The following FGFR1OP2 variants were observed in gnomAD, a reference collection of about 807,000 sequenced individuals.
FGFR1OP2 encodes FGFR1 oncogene partner 2.
In FGFR1OP2, 17 loss-of-function variants were observed where a neutral mutation model predicts 35.2. The ratio of observed to expected loss-of-function variants is 0.48; its 90% CI spans 0.33 to 0.73. FGFR1OP2 has a LOEUF of 0.73. Among genes scored for constraint, FGFR1OP2 ranks in the 30% least tolerant of loss-of-function variants. FGFR1OP2 has a pLI of 0.02. For missense variants in FGFR1OP2, 251 were observed against 307.3 expected (o/e 0.82, Z 1.37); for synonymous variants, 105 against 104.6 (o/e 1.00, Z -0.03).
chr12:26,943,277 A>C (rs1938765732), intron 1 of FGFR1OP2, among the ~76,000 whole-genome samples: 1 of 152,042 alleles, frequency 6.6e-6, no homozygotes, highest in African/African-American at 2.4e-5. Context: ...CCTGTCTCTA[A>C]ACCTTTTCTG....
chr12:26,964,537 G>T, intron 6 of FGFR1OP2, 59 bp from the exon 7 acceptor site: 1 of 1,565,820 alleles, frequency 6.4e-7, no homozygotes, highest in South Asian at 1.1e-5. Context: ...ACATATGTTT[G>T]TGATGTTGTA....
intron 3 of FGFR1OP2, among the ~76,000 whole-genome samples, chr12:26,957,279 A>T (rs1358414885): frequency 6.6e-6 from 1 of 152,154 alleles, no homozygotes. Flanking sequence ...TATTTGACTT[A>T]ACACTCCACT....
rs141890461 is a variant in FGFR1OP2, at chr12:26,945,994, G to A, written c.-15+7284G>A. The stretch of plus-strand genomic sequence containing the variant: ...ACTTAAAAAGAATGTGTACTCTGCT[G>A]TTGTTGGTTGTAGCATTTCATAAAT... On this transcript the variant is annotated intron_variant, in intron 1 of 6. Coordinates refer to ENST00000229395, the MANE Select transcript of FGFR1OP2 (RefSeq NM_015633.3). 6.7e-3 allele frequency among the ~76,000 whole-genome samples: 1,014 copies of A among 151,724 alleles called. 10 individuals are homozygous for A. Among genetic ancestry groups the A allele is most frequent in the African/African-American group, 0.024 (977 of 41,042 alleles).
Position 26,964,729 on chromosome 12 carries a change from G to A in FGFR1OP2, c.758G>A (p.Ser253Asn), listed in dbSNP as rs118150543. The change falls in exon 7 of 7, where the codon AGC becomes AAC. Residue 253 changes from serine to asparagine, a missense_variant. Ser to Asn is a conservative substitution (Grantham distance 46). Coordinates refer to ENST00000229395, the MANE Select transcript of FGFR1OP2 (RefSeq NM_015633.3). ...VTNSDLSLRK[S>N] ...AACAGTGATTTGAGTCTGAGGAAGA[G>A]CTGAAGAGTTTCTGAGTCTGTGAGC... 1.6e-4 allele frequency: 259 copies of A among 1,610,128 alleles called. 1 individual carries two copies. In the East Asian group the frequency reaches 5.7e-3, roughly 35 times the overall value.
chr12:26,954,982 T>A (rs1938995354), intron 2 of FGFR1OP2, among the ~76,000 whole-genome samples: 1 of 152,216 alleles, frequency 6.6e-6, no homozygotes, highest in Non-Finnish European at 1.5e-5. Flanking sequence ...AATCTCCTCA[T>A]CTATTTTGTA....
At position 26,960,579 on chromosome 12, in the gene FGFR1OP2, A is replaced by T; in HGVS notation, c.461A>T (p.Glu154Val). Residue 154 changes from glutamate to valine, a missense_variant, in exon 5 of 7, where the codon GAA becomes GTA. Physicochemically the swap from Glu to Val is moderately radical, Grantham distance 121. Coordinates refer to ENST00000229395, the MANE Select transcript of FGFR1OP2 (RefSeq NM_015633.3). ...CTTGATGCATCTCGACACATCCTTGAAGCACCTCAACATGGACTGGAGAGA... is the reference window on the plus strand; with the variant it reads ...CTTGATGCATCTCGACACATCCTTGTAGCACCTCAACATGGACTGGAGAGA... ...FFLDASRHILEAPQHGLERRH... is the reference protein window; with the variant it reads ...FFLDASRHILVAPQHGLERRH... 6.2e-7 allele frequency: 1 copy of T among 1,613,708 alleles called. No individual in the cohort carries two copies. The highest frequency in any genetic ancestry group is 8.5e-7 in the Non-Finnish European group (1 of 1,179,768).
At position 26,965,993 on chromosome 12, in the gene FGFR1OP2, T is replaced by G. The variant is rs1474328196; in HGVS notation, c.*1260T>G. 3 of 152,096 alleles carry G rather than the reference T, an allele frequency of 2.0e-5. No individual in the cohort carries two copies. The highest frequency in any genetic ancestry group is 4.4e-5 in the Non-Finnish European group (3 of 67,954). 9.4% of individuals were successfully genotyped at this position (152,096 alleles called of 1,614,324 possible). A position where few individuals can be genotyped will look rare whatever the true frequency, so the allele number is the denominator to read the frequency against. On this transcript the variant is annotated 3_prime_UTR_variant, in exon 7 of 7. Transcript: ENST00000229395. ...GTACTCATTTATGTTGAATACGTAT[T>G]AAAATTAAGACAAATGGAAAATTAT...
At chr12:26,950,213 G>GTTGTTTTTTTTTTTTTTTTT (rs1938898866) in intron 1 of FGFR1OP2, among the ~76,000 whole-genome samples, 9 of 50,934 alleles carry the variant, frequency 1.8e-4, no homozygotes, top group African/African-American at 7.3e-4. Flanking sequence ...TGTATTCGTT[G>GTTGTTTTTTTTTTTTTTTTT]TTTTTTTTTT....
At chr12:26,964,541 T>C in intron 6 of FGFR1OP2, 55 bp from the exon 7 acceptor site, 2 of 1,573,082 alleles carry the variant, frequency 1.3e-6, no homozygotes, top group South Asian at 1.1e-5. Flanking sequence ...ATGTTTGTGA[T>C]GTTGTAGCTA....
At position 26,965,731 on chromosome 12, in the gene FGFR1OP2, A is replaced by C. The variant is rs1270591850; in HGVS notation, c.*998A>C. 6.6e-6 allele frequency: 1 copy of C among 151,652 alleles called. No individual in the cohort carries two copies. Among genetic ancestry groups the C allele is most frequent in the African/African-American group, 2.4e-5 (1 of 41,308 alleles). The allele number at this position is 151,652 out of a possible 1,614,324, so 9.4% of individuals were successfully genotyped here. ...TGTTTTTAAGCTCCATCTGGTCCTC[A>C]TAACCTGCAAGATTTTTCTTAAAAC... On this transcript the variant is annotated 3_prime_UTR_variant, in exon 7 of 7. Coordinates refer to ENST00000229395, the MANE Select transcript of FGFR1OP2 (RefSeq NM_015633.3).
At chr12:26,945,616 T>C (rs1938807351) in intron 1 of FGFR1OP2, among the ~76,000 whole-genome samples, 1 of 152,212 alleles carries the variant, frequency 6.6e-6, no homozygotes, top group Non-Finnish European at 1.5e-5. Context: ...ATACCAGCAC[T>C]TTGGGAGGCC....
intron 1 of FGFR1OP2, among the ~76,000 whole-genome samples, chr12:26,942,399 G>A (rs1173552836): frequency 6.6e-6 from 1 of 152,220 alleles, no homozygotes; most frequent in African/African-American, 2.4e-5. Context: ...TTGCCCAAAT[G>A]ACAGTATAAG....
intron 1 of FGFR1OP2, among the ~76,000 whole-genome samples, chr12:26,943,345 T>C (rs1246074405): frequency 1.3e-5 from 2 of 152,250 alleles, no homozygotes; most frequent in Non-Finnish European, 2.9e-5. Context: ...TCTTAAACTT[T>C]GGTAGTGTGA....
At chr12:26,942,210 T>C (rs1396433435) in intron 1 of FGFR1OP2, among the ~76,000 whole-genome samples, 1 of 152,084 alleles carries the variant, frequency 6.6e-6, no homozygotes, top group Non-Finnish European at 1.5e-5. Context: ...TTTTTGCATT[T>C]TTAGTACAGA....
chr12:26,960,355 A>G (rs560961820), intron 4 of FGFR1OP2, among the ~76,000 whole-genome samples, 160 bp from the exon 5 acceptor site: 3 of 152,328 alleles, frequency 2.0e-5, no homozygotes, highest in Non-Finnish European at 4.4e-5. Context: ...ATTTTTACCC[A>G]AATACTAATT....
At chr12:26,962,006 A>C (rs897122727) in intron 5 of FGFR1OP2, 2 of 152,186 alleles carry the variant, frequency 1.3e-5, no homozygotes, top group Non-Finnish European at 2.9e-5. Flanking sequence ...ATTCAAAACT[A>C]TCCAGTAGAA....
chr12:26,960,718 T>G, intron 5 of FGFR1OP2, 90 bp downstream of exon 5: 1 of 1,473,302 alleles, frequency 6.8e-7, no homozygotes, highest in Admixed American at 2.2e-5. Flanking sequence ...CCTCCCAGAT[T>G]AGATCAGCAA....
At chr12:26,939,863 C>T (rs769770237) in intron 1 of FGFR1OP2, among the ~76,000 whole-genome samples, 1 of 152,108 alleles carries the variant, frequency 6.6e-6, no homozygotes, top group Non-Finnish European at 1.5e-5. Flanking sequence ...AGGAATTCAC[C>T]GTAAGAGTTC....
chr12:26,961,226 C>G (rs1469874463), intron 5 of FGFR1OP2: 1 of 152,130 alleles, frequency 6.6e-6, no homozygotes, highest in African/African-American at 2.4e-5. Flanking sequence ...GGTGACACTT[C>G]TTGTCTTCCA....
Sources: gnomAD v4.1 joint callset for allele counts (sites outside exome capture counted in the v4.1 genomes callset) on GRCh38, gnomAD v4.1.1 for gene constraint, MANE v1.5 for transcripts, NCBI Gene and HGNC (gene_info 2026-07-23, HGNC 2026-07-21) for gene names.